The following SPAG1 variants were observed in gnomAD, a reference collection of about 807,000 sequenced individuals.
SPAG1 encodes the protein sperm associated antigen 1, also known as sperm-associated antigen 1.
Under a neutral mutation model 100.5 loss-of-function variants are expected in SPAG1, and 69 were observed. The ratio of observed to expected loss-of-function variants is 0.69; its 90% CI spans 0.57 to 0.84. SPAG1 has a LOEUF of 0.84. Among genes scored for constraint, SPAG1 ranks in the 40% least tolerant of loss-of-function variants. The pLI is 0.00. For missense variants in SPAG1, 955 were observed against 1,133.1 expected, an observed-to-expected ratio of 0.84 and a Z score of 2.26; for synonymous variants, 336 against 411.6, an observed-to-expected ratio of 0.82 and a Z score of 2.22.
chr8:100,160,592 A>C lies in SPAG1; in HGVS notation c.-2-1687A>C, dbSNP rs1015799897. Among the ~76,000 whole-genome samples the C allele has an allele frequency of 2.8e-5, 4 of 145,182 alleles. No individual in the cohort carries two copies. The Admixed American group carries it at 2.9e-4, about 11-fold the overall frequency. ...CAGTAAGCCAAGATTGTGTCACTGCACTCCAGCCTGGGTGACAGAGCAAGA... is the reference window on the plus strand; with the variant it reads ...CAGTAAGCCAAGATTGTGTCACTGCCCTCCAGCCTGGGTGACAGAGCAAGA... On this transcript the variant is annotated intron_variant, in intron 1 of 18. Coordinates refer to ENST00000388798, the MANE Select transcript of SPAG1 (RefSeq NM_003114.5).
chr8:100,175,666 A>G (rs912285608), intron 3 of SPAG1, among the ~76,000 whole-genome samples: 11 of 152,172 alleles, frequency 7.2e-5, no homozygotes, highest in African/African-American at 2.2e-4. Flanking sequence ...AGGGGTAAGT[A>G]GACCACTTGA....
At chr8:100,215,308 T>C (rs1211940965) in intron 12 of SPAG1, among the ~76,000 whole-genome samples, 1 of 151,822 alleles carries the variant, frequency 6.6e-6, no homozygotes, top group Non-Finnish European at 1.5e-5. Flanking sequence ...AAATAAAACA[T>C]TGTTTTCCAC....
intron 8 of SPAG1, among the ~76,000 whole-genome samples, chr8:100,188,367 C>G (rs1476160652): frequency 3.9e-5 from 6 of 152,138 alleles, no homozygotes; most frequent in Non-Finnish European, 1.5e-5. Context: ...GTCGCCCAGG[C>G]TGGTCTCAAA....
Position 100,239,237 on chromosome 8 carries a change from C to G in SPAG1, c.2116-3C>G, listed in dbSNP as rs753938815. ...GTTATTTTCTCTGTCTTCCTACTTA[C>G]AGAATTATCAGAAAAGCTTAATTGA... On this transcript the variant is annotated splice_region_variant and splice_polypyrimidine_tract_variant and intron_variant, in intron 16 of 18. Transcript: ENST00000388798. The surrounding 1 kb of genome is among the most constrained non-coding windows in gnomAD (Gnocchi z 5.0). The G allele has an allele frequency of 2.7e-6, 4 of 1,476,078 alleles. No homozygotes were observed. The allele number at this position is 1,476,078 out of a possible 1,614,324, so 91.4% of individuals were successfully genotyped here.
rs1429736125 is a variant in SPAG1 at position 100,225,222 on chromosome 8, C to T, written c.1738C>T (p.Leu580=). 1.2e-6 allele frequency: 2 copies of T among 1,613,764 alleles called. No individual in the cohort carries two copies. Among genetic ancestry groups the T allele is most frequent in the Admixed American group, 1.7e-5 (1 of 59,978 alleles). The change falls in exon 14 of 19, where the codon CTG becomes TTG. Residue 580 remains leucine, a synonymous_variant. Transcript: ENST00000388798. ...ELDGPNWREK[L]SPIPAVPASV... is the part of the protein sequence containing the mutation. The stretch of plus-strand genomic sequence containing the variant: ...GGATGGACCAAATTGGCGGGAGAAG[C>T]TGTCACCTATTCCTGCTGTGCCTGC...
intron 7 of SPAG1, among the ~76,000 whole-genome samples, chr8:100,186,378 A>C (rs1467786947): frequency 1.3e-5 from 2 of 152,070 alleles, no homozygotes; most frequent in Non-Finnish European, 2.9e-5. Flanking sequence ...GCTTCAAAAA[A>C]TGTGTTTGGT....
intron 14 of SPAG1, among the ~76,000 whole-genome samples, chr8:100,229,773 G>A (rs1471162389): frequency 6.6e-6 from 1 of 152,246 alleles, no homozygotes; most frequent in Non-Finnish European, 1.5e-5. Context: ...GACTCTGATT[G>A]TAGATAACAG....
In SPAG1 at chr8:100,164,012, A is replaced by T. The variant is rs79896094; in HGVS notation, c.140+1592A>T. Among the ~76,000 whole-genome samples the T allele has an allele frequency of 6.1e-3, 923 of 152,328 alleles. 15 individuals are homozygous for T. The highest frequency in any genetic ancestry group is 0.022 in the African/African-American group (896 of 41,566). ...TTATTTATATTTTTCTAGAAATGTA[A>T]GAGTGAACAGACCTAAGAAAGAATG... On this transcript the variant is annotated intron_variant, in intron 2 of 18. Coordinates refer to ENST00000388798, the MANE Select transcript of SPAG1 (RefSeq NM_003114.5).
In SPAG1 at chr8:100,213,883, A is replaced by G. The variant is rs201123591; in HGVS notation, c.1500A>G (p.Glu500=). The G allele has an allele frequency of 4.4e-5, 70 of 1,604,670 alleles. No homozygotes were observed. In the Middle Eastern group the frequency reaches 2.0e-3, roughly 46 times the overall value. The stretch of plus-strand genomic sequence containing the variant: ...ATAGAGCAGCATGTTACCTAAAAGA[A>G]GGAAACTGCAGTGGCTGCATTCAAG... ...YSNRAACYLK[E]GNCSGCIQDC... Residue 500 remains glutamate, a synonymous_variant, in exon 12 of 19, where the codon GAA becomes GAG. Coordinates refer to ENST00000388798, the MANE Select transcript of SPAG1 (RefSeq NM_003114.5).
chr8:100,223,337 T>G (rs1030702179), intron 13 of SPAG1, among the ~76,000 whole-genome samples: 1 of 152,200 alleles, frequency 6.6e-6, no homozygotes, highest in Non-Finnish European at 1.5e-5. Flanking sequence ...AAGATTGTAT[T>G]ATATTTGTTA....
At chr8:100,169,329 G>C (rs1443958597) in intron 3 of SPAG1, among the ~76,000 whole-genome samples, 2 of 152,160 alleles carry the variant, frequency 1.3e-5, no homozygotes, top group Admixed American at 1.3e-4. Flanking sequence ...TGAGACAAGG[G>C]GATCACTTGA....
intron 8 of SPAG1, among the ~76,000 whole-genome samples, chr8:100,187,559 A>C (rs1816637789): frequency 6.6e-6 from 1 of 152,094 alleles, no homozygotes; most frequent in South Asian, 2.1e-4. Context: ...GGCCAGGCAC[A>C]GTGGCTCACA....
rs545739514 is a variant in SPAG1 at position 100,161,960 on chromosome 8, G to A, written c.-2-319G>A. 4.2e-3 allele frequency among the ~76,000 whole-genome samples: 637 copies of A among 152,240 alleles called. 7 individuals carry two copies. The highest frequency in any genetic ancestry group is 6.4e-3 in the Non-Finnish European group (435 of 68,014). ...GTAGCCAGTTGCAGAAGTAAATAAC[G>A]TCTTCCTCCTCGGTTCATCTGCATC... On this transcript the variant is annotated intron_variant, in intron 1 of 18. Transcript: ENST00000388798.
At chr8:100,233,139 C>T (rs905007126) in intron 15 of SPAG1, 20 of 351,532 alleles carry the variant, frequency 5.7e-5, no homozygotes, top group Non-Finnish European at 8.6e-5. Flanking sequence ...CTGTGTGCTC[C>T]CAGAGTACTT....
chr8:100,167,789 A>G (rs1362851914), intron 3 of SPAG1, among the ~76,000 whole-genome samples: 1 of 152,210 alleles, frequency 6.6e-6, no homozygotes, highest in Non-Finnish European at 1.5e-5. Context: ...TTCCATCACC[A>G]CTAAAAGTTT....
chr8:100,166,808 GAGACAGGA>G (rs1393565116), intron 3 of SPAG1, among the ~76,000 whole-genome samples: 1 of 152,164 alleles, frequency 6.6e-6, no homozygotes, highest in Non-Finnish European at 1.5e-5. Context: ...TCAGGAGGCT[GAGACAGGA>G]GGATCGCTTT....
At chr8:100,188,742 T>G (rs899059705) in intron 8 of SPAG1, among the ~76,000 whole-genome samples, 2 of 152,190 alleles carry the variant, frequency 1.3e-5, no homozygotes, top group Non-Finnish European at 2.9e-5. Context: ...TATAAACACT[T>G]TTTTCACATG....
At chr8:100,187,868 T>C (rs907415331) in intron 8 of SPAG1, among the ~76,000 whole-genome samples, 1 of 152,228 alleles carries the variant, frequency 6.6e-6, no homozygotes, top group African/African-American at 2.4e-5. Flanking sequence ...TGTTTGTTTT[T>C]TTGAGACTGA....
At chr8:100,206,626 A>T (rs1563795773) in intron 10 of SPAG1, among the ~76,000 whole-genome samples, 1 of 152,174 alleles carries the variant, frequency 6.6e-6, no homozygotes, top group Non-Finnish European at 1.5e-5. Context: ...GGGCCTGTCG[A>T]GATATTCCTT....
Sources: gnomAD v4.1 joint callset for allele counts (sites outside exome capture counted in the v4.1 genomes callset) on GRCh38, gnomAD v4.1.1 for gene constraint, Gnocchi (gnomAD v3.1) non-coding constraint, MANE v1.5 for transcripts, NCBI Gene and HGNC (gene_info 2026-07-23, HGNC 2026-07-21) for gene names.